Variants in RYR2 observed in about 807,000 individuals in gnomAD.
RYR2 encodes the protein cardiac muscle ryanodine receptor-calcium release channel.
Under a neutral mutation model 601.1 loss-of-function variants are expected in RYR2, and 227 were observed. The ratio of observed to expected loss-of-function variants is 0.38; its 90% confidence interval spans 0.34 to 0.42. RYR2 has a LOEUF of 0.42. RYR2 is among the 10% of genes least tolerant of loss of function. The pLI is 1.00. For synonymous variants in RYR2, 2,223 were observed against 2,175.1 expected (o/e 1.02, Z -0.61); for missense variants, 4,646 against 6,156.5 (o/e 0.75, Z 8.21).
chr1:237,176,592 C>G (rs1474645153), intron 1 of RYR2, among the ~76,000 whole-genome samples: 2 of 151,680 alleles, frequency 1.3e-5, no homozygotes, highest in African/African-American at 4.8e-5. Context: ...TTAAAAAACA[C>G]CTTTAATATC....
chr1:237,495,592 T>A (rs750378563), intron 19 of RYR2, among the ~76,000 whole-genome samples: 15 of 152,244 alleles, frequency 9.9e-5, no homozygotes, highest in Non-Finnish European at 1.9e-4. Flanking sequence ...ATGAGTGATA[T>A]GTTCTGAGAC....
At chr1:237,174,917 A>T (rs1418354513) in intron 1 of RYR2, among the ~76,000 whole-genome samples, 1 of 152,230 alleles carries the variant, frequency 6.6e-6, no homozygotes, top group Non-Finnish European at 1.5e-5. Flanking sequence ...TGATCAATGA[A>T]GGTTAAAAAA....
intron 27 of RYR2, among the ~76,000 whole-genome samples, chr1:237,555,982 T>C (rs1404575145): frequency 6.6e-6 from 1 of 152,138 alleles, no homozygotes; most frequent in African/African-American, 2.4e-5. Context: ...CTATATTCAG[T>C]GACACATGAT....
intron 87 of RYR2, among the ~76,000 whole-genome samples, chr1:237,776,686 C>T (rs1694688680): frequency 6.6e-6 from 1 of 151,990 alleles, no homozygotes; most frequent in African/African-American, 2.4e-5. Context: ...TGATTAACCC[C>T]AGGCTTCCTC....
rs551613709 is a variant in RYR2 at position 237,200,626 on chromosome 1, C to T, written c.49-69871C>T. Among the ~76,000 whole-genome samples, 71 of 152,250 alleles carry T rather than the reference C, an allele frequency of 4.7e-4. 1 individual carries two copies. Among genetic ancestry groups the T allele is most frequent in the African/African-American group, 1.7e-3 (69 of 41,536 alleles). On this transcript the variant is annotated intron_variant, in intron 1 of 104. Coordinates refer to ENST00000366574, the MANE Select transcript of RYR2 (RefSeq NM_001035.3). ...ACGAATCAGAAAATAAGTAGGAAAA[C>T]TGCAGATTCTGGGGGGATTACTTTT...
chr1:237,517,731 C>T (rs1358594940), intron 24 of RYR2, among the ~76,000 whole-genome samples: 1 of 152,102 alleles, frequency 6.6e-6, no homozygotes, highest in Non-Finnish European at 1.5e-5. Context: ...CCTGTTTCCA[C>T]AGGCAACTGC....
rs1359185552 is a variant in RYR2 at position 237,648,751 on chromosome 1, TG to T, written c.7512+141del. The T allele has an allele frequency of 2.9e-5, 30 of 1,036,906 alleles. No homozygotes were observed. In the African/African-American group the frequency reaches 3.9e-4, roughly 13 times the overall value. The allele number at this position is 1,036,906 out of a possible 1,614,324, so 64.2% of individuals were successfully genotyped here. On this transcript the variant is annotated intron_variant, in intron 49 of 104. Coordinates refer to ENST00000366574, the MANE Select transcript of RYR2 (RefSeq NM_001035.3). ...ACCTGTTATATTTTCAGGTAAGCCA[TG>T]GGTAAACAGAAAATAAACTAGGCTA...
At chr1:237,059,306 A>C (rs562911410) in intron 1 of RYR2, among the ~76,000 whole-genome samples, 2 of 152,190 alleles carry the variant, frequency 1.3e-5, no homozygotes, top group Non-Finnish European at 2.9e-5. Flanking sequence ...ATAATGGGGC[A>C]GACTAAAATC....
intron 2 of RYR2, among the ~76,000 whole-genome samples, chr1:237,300,129 A>G (rs1179371404): frequency 6.6e-6 from 1 of 152,142 alleles, no homozygotes; most frequent in Non-Finnish European, 1.5e-5. Flanking sequence ...GAAAGACTTC[A>G]TTTTCCATGG....
intron 98 of RYR2, 153 bp downstream of exon 98, chr1:237,802,069 T>G (rs978169748): frequency 2.2e-6 from 1 of 452,156 alleles, no homozygotes; most frequent in East Asian, 3.2e-5. Context: ...CAGAATGATA[T>G]GATTAATGAG....
At chr1:237,467,961 C>T (rs772227563) in intron 16 of RYR2, among the ~76,000 whole-genome samples, 2 of 150,882 alleles carry the variant, frequency 1.3e-5, no homozygotes, top group Non-Finnish European at 2.9e-5. Flanking sequence ...CGGGTTCAAG[C>T]GATTCTCTTA....
intron 88 of RYR2, among the ~76,000 whole-genome samples, chr1:237,779,170 C>T (rs906453881): frequency 6.6e-6 from 1 of 152,100 alleles, no homozygotes; most frequent in Non-Finnish European, 1.5e-5. Context: ...AATTTTGTTA[C>T]AGGGTCTTAA....
chr1:237,383,646 G>A (rs1373417402), intron 8 of RYR2, among the ~76,000 whole-genome samples: 1 of 151,852 alleles, frequency 6.6e-6, no homozygotes, highest in African/African-American at 2.4e-5. Context: ...GGCCAGGATG[G>A]TCTCGATCTC....
intron 1 of RYR2, among the ~76,000 whole-genome samples, chr1:237,179,306 T>C (rs1411499514): frequency 2.0e-5 from 3 of 151,588 alleles, no homozygotes; most frequent in African/African-American, 7.3e-5. Context: ...ATAAGGCCAA[T>C]TATATTGTGT....
At chr1:237,612,104 G>T (rs1677943779) in intron 36 of RYR2, among the ~76,000 whole-genome samples, 1 of 152,120 alleles carries the variant, frequency 6.6e-6, no homozygotes, top group Admixed American at 6.5e-5. Context: ...TTGAAGTACT[G>T]ATATATGCTA....
chr1:237,571,375 C>T (rs1301246390), intron 29 of RYR2, among the ~76,000 whole-genome samples: 7 of 148,420 alleles, frequency 4.7e-5, no homozygotes, highest in Non-Finnish European at 7.4e-5. Context: ...AGTGCAATGG[C>T]GCGATCTTGA....
intron 6 of RYR2, among the ~76,000 whole-genome samples, chr1:237,370,998 G>A (rs193183642): frequency 0.014 from 2,196 of 151,658 alleles, 45 homozygotes; most frequent in Admixed American, 0.057. Flanking sequence ...AATTATAAAA[G>A]CAATACATAT....
At chr1:237,166,604 T>C (rs1676741705) in intron 1 of RYR2, among the ~76,000 whole-genome samples, 1 of 152,216 alleles carries the variant, frequency 6.6e-6, no homozygotes, top group Non-Finnish European at 1.5e-5. Context: ...AAATCTAGCA[T>C]GTATGTTTTT....
intron 84 of RYR2, among the ~76,000 whole-genome samples, chr1:237,765,542 A>G (rs1693784340): frequency 6.6e-6 from 1 of 152,228 alleles, no homozygotes; most frequent in Non-Finnish European, 1.5e-5. Flanking sequence ...GTGAAGTTGA[A>G]GCAACACAAA....
Sources: gnomAD v4.1 joint callset for allele counts (sites outside exome capture counted in the v4.1 genomes callset) on GRCh38, gnomAD v4.1.1 for gene constraint, MANE v1.5 for transcripts, NCBI Gene and HGNC (gene_info 2026-07-23, HGNC 2026-07-21) for gene names.